Variants in ARHGEF1 observed in about 807,000 individuals in gnomAD.
The protein encoded by ARHGEF1 is Rho guanine nucleotide exchange factor 1.
ARHGEF1 carries 40 observed loss-of-function variants against 119.7 expected under a neutral mutation model. The observed-to-expected ratio is 0.33, with a 90% CI of 0.26 to 0.44. The LOEUF is 0.44. Among genes scored for constraint, ARHGEF1 ranks in the 20% least tolerant of loss-of-function variants. The pLI, the probability that ARHGEF1 is intolerant of heterozygous loss-of-function variation, is 1.00. For synonymous variants in ARHGEF1, 494 were observed against 521.0 expected (o/e 0.95, Z 0.71); for missense variants, 976 against 1,268.3 (o/e 0.77, Z 3.50).
At chr19:41,922,182 C>T (rs868936661), upstream of ARHGEF1, among the ~76,000 whole-genome samples, 4 of 152,118 alleles carry the variant, frequency 2.6e-5, no homozygotes, top group South Asian at 6.2e-4. Flanking sequence ...AGACGGCAAC[C>T]ACCAAGGGCC....
At chr19:41,894,162 G>GTGTA in intron 8 of ARHGEF1, 45 bp from the exon 9 acceptor site, 4 of 1,143,350 alleles carry the variant, frequency 3.5e-6, no homozygotes, top group East Asian at 5.0e-5. Flanking sequence ...GTGTGTGTGT[G>GTGTA]TGTGTCTTTG....
At chr19:41,899,505 C>CTTTTTTT (rs575816890) in intron 14 of ARHGEF1, among the ~76,000 whole-genome samples, 1 of 101,764 alleles carries the variant, frequency 9.8e-6, no homozygotes, top group South Asian at 3.1e-4. Flanking sequence ...AAAGAGAAAG[C>CTTTTTTT]TTTTTTTTTT....
chr19:41,892,541 G>A lies in ARHGEF1; in HGVS notation c.368-62G>A. ...TGTGGCTGTTGGAGTCCAAGGGTGG[G>A]TGGGGACCGTGGTCCAAGCCACCAG... On this transcript the variant is annotated intron_variant, in intron 6 of 28. Coordinates refer to ENST00000354532, the MANE Select transcript of ARHGEF1 (RefSeq NM_004706.4). This position sits in a 1 kb window ranked among gnomAD's most constrained non-coding sequence, Gnocchi z 6.3. 2 of 1,566,582 alleles carry A rather than the reference G, an allele frequency of 1.3e-6. No individual in the cohort carries two copies. Among genetic ancestry groups the A allele is most frequent in the Non-Finnish European group, 8.7e-7 (1 of 1,152,348 alleles).
chr19:41,890,156 G>A (rs2074353088), intron 4 of ARHGEF1: 1 of 152,202 alleles, frequency 6.6e-6, no homozygotes, highest in Admixed American at 6.6e-5. Flanking sequence ...TTTGGGGGGT[G>A]TGAAGAGTGG....
chr19:41,901,841 A>T (rs1245634589), intron 14 of ARHGEF1, 46 bp from the exon 15 acceptor site: 1 of 1,593,458 alleles, frequency 6.3e-7, no homozygotes, highest in Non-Finnish European at 8.5e-7. Context: ...CATGCCCCCT[A>T]GTCTGCACCC....
chr19:41,895,690 C>T (rs2074473269), intron 12 of ARHGEF1, among the ~76,000 whole-genome samples: 1 of 152,166 alleles, frequency 6.6e-6, no homozygotes, highest in Admixed American at 6.5e-5. Flanking sequence ...CAGCTTTGCT[C>T]CCAGGCTCTG....
At chr19:41,895,530 A>G (rs2074469618) in intron 12 of ARHGEF1, 44 bp downstream of exon 12, 1 of 1,545,128 alleles carries the variant, frequency 6.5e-7, no homozygotes, top group African/African-American at 1.4e-5. Context: ...CCGGCGATCC[A>G]GGGTGGGGGT....
chr19:41,895,363 G>A lies in ARHGEF1; in HGVS notation c.892G>A (p.Ala298Thr), dbSNP rs1229461008. Residue 298 changes from alanine to threonine, a missense_variant, in exon 12 of 29, where the codon GCT (alanine) becomes ACT (threonine). Transcript: ENST00000354532. ...TGTCTCCCCAGCCGAGAAGCCAGGT[G>A]CTACAGACCGGAAGGGAGGCGTGGG... ...KAEVDAEKPG[A>T]TDRKGGVGMP... 2 of 1,609,870 alleles carry A rather than the reference G, an allele frequency of 1.2e-6. No individual in the cohort carries two copies. Among genetic ancestry groups the A allele is most frequent in the Non-Finnish European group, 1.7e-6 (2 of 1,177,836 alleles).
In ARHGEF1 at chr19:41,904,243, T is replaced by A. The variant is rs1212267180; in HGVS notation, c.2021T>A (p.Leu674Gln). 1.2e-6 allele frequency: 2 copies of A among 1,612,048 alleles called. No homozygotes were observed. Among genetic ancestry groups the A allele is most frequent in the African/African-American group, 1.3e-5 (1 of 74,904 alleles). Residue 674 changes from leucine (L) to glutamine (Q), a missense_variant, in exon 22 of 29, where the codon CTG becomes CAG. By Grantham distance (113) the Leu-to-Gln change is moderately radical. This residue lies in a region of ARHGEF1 where 286 missense variants were observed against 506.8 expected (regional missense o/e 0.56). Transcript: ENST00000354532. This position sits in a 1 kb window ranked among gnomAD's most constrained non-coding sequence, Gnocchi z 8.4. ...VEVHVLLLDD[L>Q]LLLLQRQDER... The stretch of plus-strand genomic sequence containing the variant: ...GTGCATGTGCTGCTGCTGGACGACC[T>A]GCTGCTGCTGCTCCAGCGCCAGGAC...
Position 41,905,285 on chromosome 19 carries a change from T to C in ARHGEF1, c.2336+24T>C, listed in dbSNP as rs1418882950. On this transcript the variant is annotated intron_variant, in intron 24 of 28. Transcript: ENST00000354532. The surrounding 1 kb of genome is among the most constrained non-coding windows in gnomAD (Gnocchi z 6.4). ...AGGTGAGGGGGGCCATGGAGAGAGC[T>C]GGAGGTTCAGGGAGTGGGGCCGGAA... 16 of 1,599,010 alleles carry C rather than the reference T, an allele frequency of 1.0e-5. No individual in the cohort carries two copies. The highest frequency in any genetic ancestry group is 1.4e-5 in the Non-Finnish European group (16 of 1,172,526).
rs56119746 is a variant in ARHGEF1, at chr19:41,902,238, C to A, written c.1415-36C>A. ...CAGGCCCCGCACAGCATCTTCCAGA[C>A]CCTGGTGGAGCATCCCTTTCCTCCT... is the stretch of plus-strand genomic sequence containing the variant. On this transcript the variant is annotated intron_variant, in intron 15 of 28. Coordinates refer to ENST00000354532, the MANE Select transcript of ARHGEF1 (RefSeq NM_004706.4). The surrounding 1 kb of genome is among the most constrained non-coding windows in gnomAD (Gnocchi z 6.5). 7.0e-4 allele frequency: 1,135 copies of A among 1,612,172 alleles called. No homozygotes were observed. Among genetic ancestry groups the A allele is most frequent in the Non-Finnish European group, 9.0e-4 (1,065 of 1,178,628 alleles).
At chr19:41,914,050 C>T (rs1213858183) in intron 18 of ARHGEF1, among the ~76,000 whole-genome samples, 3 of 138,856 alleles carry the variant, frequency 2.2e-5, no homozygotes, top group Non-Finnish European at 4.6e-5. Context: ...CCTGGCAGCC[C>T]ACACTGTGTT....
chr19:41,909,752 C>A, downstream of ARHGEF1: 1 of 1,227,106 alleles, frequency 8.1e-7, no homozygotes, highest in Non-Finnish European at 1.1e-6. This position sits in a 1 kb window ranked among gnomAD's most constrained non-coding sequence, Gnocchi z 5.2. Context: ...CACGCACAGC[C>A]CTGTGCCTTG....
chr19:41,912,803 G>A, intron 18 of ARHGEF1: 2 of 696,066 alleles, frequency 2.9e-6, no homozygotes, highest in Non-Finnish European at 4.0e-6. Context: ...CGGCTCACTG[G>A]GGAAGCCTGA....
At position 41,906,852 on chromosome 19, in the gene ARHGEF1, C is replaced by T. The variant is rs550502551; in HGVS notation, c.*17+49C>T. On this transcript the variant is annotated intron_variant, in intron 28 of 28. Transcript: ENST00000354532. The surrounding 1 kb of genome is among the most constrained non-coding windows in gnomAD (Gnocchi z 4.5). The stretch of plus-strand genomic sequence containing the variant: ...GGGCGCTGTCCTGAAAGGAGGGTCC[C>T]CCTCCAGAGCTCGCATCCCTACAGC... 12 of 1,438,988 alleles carry T rather than the reference C, an allele frequency of 8.3e-6. No homozygotes were observed. The East Asian group carries it at 2.8e-4, about 34-fold the overall frequency. The allele number at this position is 1,438,988 out of a possible 1,614,324, so 89.1% of individuals were successfully genotyped here. A position where few individuals can be genotyped will look rare whatever the true frequency, so the allele number is the denominator to read the frequency against.
upstream of ARHGEF1, among the ~76,000 whole-genome samples, chr19:41,919,595 C>T (rs1210041753): frequency 1.3e-5 from 2 of 152,050 alleles, no homozygotes; most frequent in African/African-American, 2.4e-5. Context: ...ACAACAGCAA[C>T]CCCCGAACAC....
rs56862201 is a variant in ARHGEF1, at chr19:41,917,123, C to T, written c.1866-5969C>T. On this transcript the variant is annotated intron_variant, in intron 18 of 20. Coordinates refer to the ARHGEF1 transcript ENST00000599589. The surrounding 1 kb of genome is among the most constrained non-coding windows in gnomAD (Gnocchi z 4.8). ...CTCTCTCAGCCCCTTCGGGTGTCGG[C>T]GCATCTTTCTGTCTGTCTCTGTCAC... Among the ~76,000 whole-genome samples the T allele has an allele frequency of 1, 152,292 of 152,292 alleles. 76,146 individuals carry two copies. Among genetic ancestry groups the T allele is most frequent in the Non-Finnish European group, 1 (68,028 of 68,028 alleles).
chr19:41,905,284 C>A lies in ARHGEF1; in HGVS notation c.2336+23C>A. On this transcript the variant is annotated intron_variant, in intron 24 of 28. Transcript: ENST00000354532. This position sits in a 1 kb window ranked among gnomAD's most constrained non-coding sequence, Gnocchi z 6.4. ...CAGGTGAGGGGGGCCATGGAGAGAG[C>A]TGGAGGTTCAGGGAGTGGGGCCGGA... The A allele has an allele frequency of 1.3e-6, 2 of 1,599,130 alleles. No individual in the cohort carries two copies. Among genetic ancestry groups the A allele is most frequent in the Admixed American group, 1.7e-5 (1 of 57,636 alleles).
In ARHGEF1 at chr19:41,892,226, G is replaced by C; in HGVS notation, c.324+103G>C. The C allele has an allele frequency of 6.4e-7, 1 of 1,568,000 alleles. No individual in the cohort carries two copies. The highest frequency in any genetic ancestry group is 8.7e-7 in the Non-Finnish European group (1 of 1,143,194). ...GCCCTGAGGGCAGCTGCTGACCCAG[G>C]CCTTCCCCAGCACCCTCGCTTAGAC... On this transcript the variant is annotated intron_variant, in intron 5 of 28. Coordinates refer to ENST00000354532, the MANE Select transcript of ARHGEF1 (RefSeq NM_004706.4). The surrounding 1 kb of genome is among the most constrained non-coding windows in gnomAD (Gnocchi z 6.3).
Sources: gnomAD v4.1 joint callset for allele counts (sites outside exome capture counted in the v4.1 genomes callset) on GRCh38, gnomAD v4.1.1 for gene constraint, gnomAD v4.1.1 regional missense constraint, Gnocchi (gnomAD v3.1) non-coding constraint, MANE v1.5 for transcripts, NCBI Gene and HGNC (gene_info 2026-07-23, HGNC 2026-07-21) for gene names.